DST: variants seen among roughly 807,000 people sequenced by gnomAD.
DST encodes dystonin.
DST carries 253 observed loss-of-function variants against 875.2 expected under a neutral mutation model. The observed-to-expected ratio is 0.29, with a 90% CI of 0.26 to 0.32. DST has a LOEUF of 0.32. Ranked by LOEUF, DST falls within the 10% of genes least tolerant of loss-of-function variation. The pLI, the probability that DST is intolerant of heterozygous loss-of-function variation, is 1.00. For synonymous variants in DST, 3,124 were observed against 3,197.1 expected (o/e 0.98, Z 0.77); for missense variants, 8,287 against 9,111.6 (o/e 0.91, Z 3.68).
chr6:56,517,097 T>C (rs1285777714), intron 71 of DST, 101 bp downstream of exon 71: 12 of 828,558 alleles, frequency 1.4e-5, no homozygotes, highest in Admixed American at 4.4e-5. Context: ...GCTGCTTAAA[T>C]GGCAGCTGTG....
chr6:56,799,360 T>A lies in DST; in HGVS notation c.625+52037A>T, dbSNP rs553026052. Among the ~76,000 whole-genome samples, 80 of 151,972 alleles carry A rather than the reference T, an allele frequency of 5.3e-4. No homozygotes were observed. In the South Asian group the frequency reaches 0.016, roughly 31 times the overall value. On this transcript the variant is annotated intron_variant, in intron 4 of 103. Coordinates refer to ENST00000680361, the MANE Select transcript of DST (RefSeq NM_001374736.1). ...ACAGAGCAAGAAACTATCTCTCTTTTTTTTTTTTTTAAATCACATACTATA... is the reference window on the plus strand; with the variant it reads ...ACAGAGCAAGAAACTATCTCTCTTTATTTTTTTTTTAAATCACATACTATA...
chr6:56,697,585 T>G (rs1284064523), intron 9 of DST, among the ~76,000 whole-genome samples: 1 of 151,984 alleles, frequency 6.6e-6, no homozygotes, highest in Non-Finnish European at 1.5e-5. Context: ...AAGCTCAAAG[T>G]AGTAACATGA....
At chr6:56,499,745 T>A (rs1002448841) in intron 80 of DST, among the ~76,000 whole-genome samples, 1 of 152,144 alleles carries the variant, frequency 6.6e-6, no homozygotes, top group African/African-American at 2.4e-5. Flanking sequence ...TGCCTCATTT[T>A]TCCACCTCTA....
At chr6:56,720,348 TC>T (rs1259553799) in intron 5 of DST, among the ~76,000 whole-genome samples, 1 of 141,122 alleles carries the variant, frequency 7.1e-6, no homozygotes, top group Non-Finnish European at 1.5e-5. Flanking sequence ...GTTATCCTGT[TC>T]TTTTTTTTTT....
chr6:56,803,502 CCTAA>C (rs1239309636), intron 4 of DST, among the ~76,000 whole-genome samples: 4 of 152,130 alleles, frequency 2.6e-5, no homozygotes, highest in Admixed American at 6.6e-5. Context: ...TTCCATTTAA[CCTAA>C]CTACCACCAT....
chr6:56,673,337 T>TA (rs1270074295), intron 9 of DST, among the ~76,000 whole-genome samples: 1 of 152,172 alleles, frequency 6.6e-6, no homozygotes, highest in Non-Finnish European at 1.5e-5. Flanking sequence ...TTAAAAATTA[T>TA]AAAATCAACT....
intron 10 of DST, among the ~76,000 whole-genome samples, chr6:56,663,067 T>C (rs1268093629): frequency 1.3e-5 from 2 of 152,090 alleles, no homozygotes; most frequent in Non-Finnish European, 2.9e-5. Context: ...GCCAGGAACA[T>C]AAAAAGAAAG....
chr6:56,641,893 C>T, intron 17 of DST, 54 bp downstream of exon 17: 1 of 1,401,046 alleles, frequency 7.1e-7, no homozygotes. Flanking sequence ...TTTCAAATGC[C>T]CATGAAACAG....
At chr6:56,469,221 T>A (rs2094752169) in intron 97 of DST, among the ~76,000 whole-genome samples, 1 of 152,118 alleles carries the variant, frequency 6.6e-6, no homozygotes, top group African/African-American at 2.4e-5. Flanking sequence ...TAAGTTAAAA[T>A]TTTGAATACA....
At chr6:56,830,493 CT>C (rs978851204) in intron 4 of DST, among the ~76,000 whole-genome samples, 2 of 152,106 alleles carry the variant, frequency 1.3e-5, no homozygotes, top group Admixed American at 6.5e-5. Context: ...CATAAGTTTT[CT>C]TTCCATATTT....
intron 78 of DST, among the ~76,000 whole-genome samples, chr6:56,503,324 G>GCATTGAGGAAA (rs2096198488): frequency 6.6e-6 from 1 of 151,960 alleles, no homozygotes; most frequent in South Asian, 2.1e-4. Flanking sequence ...TGCTTGAGGT[G>GCATTGAGGAAA]ATGGGTACCT....
chr6:56,494,589 G>A (rs2095850507), intron 82 of DST, among the ~76,000 whole-genome samples: 1 of 152,092 alleles, frequency 6.6e-6, no homozygotes, highest in African/African-American at 2.4e-5. Flanking sequence ...TACAATGAAT[G>A]TAGTATTTCA....
intron 4 of DST, among the ~76,000 whole-genome samples, chr6:56,850,510 C>T (rs1332523094): frequency 6.6e-6 from 1 of 151,054 alleles, no homozygotes; most frequent in Non-Finnish European, 1.5e-5. Flanking sequence ...CAGAAACAAA[C>T]TTAAAGAACA....
At position 56,628,072 on chromosome 6, in the gene DST, G is replaced by C. The variant is rs1298333216; in HGVS notation, c.4565C>G (p.Thr1522Ser). ...ATTTTCCTGAATCTTTCTCTGAGTA[G>C]TTTCAACCTGCTGGATCCAATCATC... ...PLDDWIQQVETTQRKIQENQP... is the reference protein window; with the variant it reads ...PLDDWIQQVESTQRKIQENQP... Residue 1522 changes from threonine to serine, a missense_variant, in exon 33 of 104, where the codon ACT (threonine) becomes AGT (serine). This residue lies in a region of DST where 3,138 missense variants were observed against 3,116.6 expected (regional missense o/e 1.01). Coordinates refer to ENST00000680361, the MANE Select transcript of DST (RefSeq NM_001374736.1). The C allele has an allele frequency of 5.0e-6, 8 of 1,613,644 alleles. No homozygotes were observed. The Admixed American group carries it at 8.3e-5, about 17-fold the overall frequency.
chr6:56,815,887 C>T (rs1290421498), intron 4 of DST, among the ~76,000 whole-genome samples: 1 of 152,038 alleles, frequency 6.6e-6, no homozygotes, highest in South Asian at 2.1e-4. Context: ...TTGCTAGCAT[C>T]TAAATAGACA....
chr6:56,631,375 C>CTCT lies in DST; in HGVS notation c.3975_3977dup (p.Glu1326dup). 1 of 1,613,804 alleles carries CTCT rather than the reference C, an allele frequency of 6.2e-7. No homozygotes were observed. The highest frequency in any genetic ancestry group is 8.5e-7 in the Non-Finnish European group (1 of 1,179,840). ...CCAAATCATCTTTAAGTCGTTCCAG[C>CTCT]TCTTTCTTTAGTTTCTATAAAACAG... On this transcript the variant is annotated inframe_insertion, in exon 30 of 104. Transcript: ENST00000680361.
At chr6:56,525,648 A>G (rs2096784380) in intron 69 of DST, among the ~76,000 whole-genome samples, 1 of 152,222 alleles carries the variant, frequency 6.6e-6, no homozygotes, top group African/African-American at 2.4e-5. Context: ...ACCCCCACAC[A>G]TAAACTTTGT....
In DST at chr6:56,900,227, ACTAT is replaced by A. The variant is rs3839585; in HGVS notation, c.417+190_417+193del. On this transcript the variant is annotated intron_variant, in intron 3 of 103. Coordinates refer to ENST00000680361, the MANE Select transcript of DST (RefSeq NM_001374736.1). ...GTGACTAACTCTTGCTTTTTTGTCA[ACTAT>A]CTATCCATCCTAGAACATTCTATGA... 0.21 allele frequency among the ~76,000 whole-genome samples: 32,425 copies of A among 152,028 alleles called. 3,818 individuals are homozygous for A. The highest frequency in any genetic ancestry group is 0.25 in the Middle Eastern group (74 of 292).
At chr6:56,666,653 C>T (rs752524952) in intron 10 of DST, among the ~76,000 whole-genome samples, 18 of 151,650 alleles carry the variant, frequency 1.2e-4, no homozygotes, top group Non-Finnish European at 2.5e-4. Flanking sequence ...ATAAAATGGA[C>T]ATTTTCCACA....
Sources: allele counts gnomAD v4.1 joint callset (sites outside exome capture counted in the v4.1 genomes callset), GRCh38; gene constraint gnomAD v4.1.1; regional missense constraint gnomAD v4.1.1; transcripts MANE v1.5; gene names NCBI Gene and HGNC (gene_info 2026-07-23, HGNC 2026-07-21).